Variants in CACNG6 observed in about 807,000 individuals in gnomAD.
CACNG6 encodes the protein calcium voltage-gated channel auxiliary subunit gamma 6.
In CACNG6, 21 loss-of-function variants were observed where a neutral mutation model predicts 23.9. The observed-to-expected ratio is 0.88, with a 90% CI of 0.62 to 1.26. The LOEUF (loss-of-function observed/expected upper bound fraction) is 1.26. CACNG6 is among the 50% of genes most tolerant of loss of function. The pLI, the probability that CACNG6 is intolerant of heterozygous loss-of-function variation, is 0.00. For missense variants in CACNG6, 340 were observed against 352.9 expected, an observed-to-expected ratio of 0.96 and a Z score of 0.29; for synonymous variants, 182 against 168.9, an observed-to-expected ratio of 1.08 and a Z score of -0.60.
chr19:53,997,508 C>T (rs2069532410), intron 1 of CACNG6, among the ~76,000 whole-genome samples: 1 of 152,088 alleles, frequency 6.6e-6, no homozygotes, highest in Non-Finnish European at 1.5e-5. Flanking sequence ...TAAAGTACCT[C>T]AGAGTGCCTT....
At chr19:54,002,267 G>GTTTTTTTTTTTTTTTT (rs138464456) in intron 3 of CACNG6, among the ~76,000 whole-genome samples, 3 of 131,942 alleles carry the variant, frequency 2.3e-5, no homozygotes, top group Middle Eastern at 3.9e-3. Flanking sequence ...CTAATTTTCG[G>GTTTTTTTTTTTTTTTT]TTTTTTTGTT....
chr19:54,011,227 T>TATATATATATATATATATATACAC (rs1442985544), intron 3 of CACNG6, among the ~76,000 whole-genome samples: 1 of 95,286 alleles, frequency 1.0e-5, no homozygotes, highest in Non-Finnish European at 1.8e-5. Context: ...TATATATATA[T>TATATATATATATATATATATACAC]ACACACACAC....
At chr19:53,996,922 GCAGTAGTACAATCTTGGCT>G (rs918523252) in intron 1 of CACNG6, among the ~76,000 whole-genome samples, 9 of 139,294 alleles carry the variant, frequency 6.5e-5, no homozygotes, top group African/African-American at 2.2e-4. Flanking sequence ...AGGCTGGAGT[GCAGTAGTACAATCTTGGCT>G]CACTGCAACC....
In CACNG6 at chr19:53,991,830, G is replaced by A. The variant is rs1239514295; in HGVS notation, c.-1048G>A. Among the ~76,000 whole-genome samples the A allele has an allele frequency of 6.6e-6, 1 of 152,184 alleles. No individual in the cohort carries two copies. Among genetic ancestry groups the A allele is most frequent in the Non-Finnish European group, 1.5e-5 (1 of 68,016 alleles). ...GGAAGGCCCTGGGAGCCCGGGGGAGGGAGACGGACTGATCCCGAAGGGGCG... is the reference window on the plus strand; with the variant it reads ...GGAAGGCCCTGGGAGCCCGGGGGAGAGAGACGGACTGATCCCGAAGGGGCG... On this transcript the variant is annotated 5_prime_UTR_variant, in exon 1 of 4. Transcript: ENST00000252729.
rs773485518 is a variant in CACNG6, at chr19:53,998,272, C to G, written c.365C>G (p.Thr122Arg). The G allele has an allele frequency of 1.9e-6, 3 of 1,613,988 alleles. No individual in the cohort carries two copies. The highest frequency in any genetic ancestry group is 1.7e-5 in the Admixed American group (1 of 60,002). ...TGCACCTATTTTAAATTCTTCACCA[C>G]GGGGGAGAATGCACGCATCTTTCAG... is the stretch of plus-strand genomic sequence containing the variant. ...ANCTYFKFFT[T>R]GENARIFQRT... The change falls in exon 2 of 4, where the codon ACG (threonine) becomes AGG (arginine). Residue 122 changes from threonine (T) to arginine (R), a missense_variant. Coordinates refer to ENST00000252729, the MANE Select transcript of CACNG6 (RefSeq NM_145814.2).
chr19:54,001,490 A>G (rs930428939), intron 3 of CACNG6, among the ~76,000 whole-genome samples: 3 of 152,150 alleles, frequency 2.0e-5, no homozygotes, highest in Non-Finnish European at 4.4e-5. Flanking sequence ...CGCCCGGCCA[A>G]GACTTTCATA....
chr19:54,001,266 G>A (rs563125796), intron 3 of CACNG6, among the ~76,000 whole-genome samples: 2 of 150,760 alleles, frequency 1.3e-5, no homozygotes, highest in South Asian at 2.1e-4. Context: ...TCAGCTCACT[G>A]CAACCTCCGC....
intron 3 of CACNG6, 93 bp from the exon 4 acceptor site, chr19:54,011,857 AG>A (rs2069718667): frequency 3.1e-6 from 2 of 640,266 alleles, no homozygotes; most frequent in South Asian, 7.1e-5. Context: ...GGAAGGTGCC[AG>A]GGTGGGCGGG....
chr19:54,006,714 T>C (rs1466533832), intron 3 of CACNG6, among the ~76,000 whole-genome samples: 7 of 151,604 alleles, frequency 4.6e-5, no homozygotes, highest in Admixed American at 2.0e-4. Flanking sequence ...TTGTATTTTT[T>C]AGTAGAGAGG....
intron 3 of CACNG6, among the ~76,000 whole-genome samples, chr19:54,003,272 C>T (rs1249757448): frequency 6.6e-6 from 1 of 152,184 alleles, no homozygotes. Flanking sequence ...ATTGAAAGTC[C>T]TGCTCCACGC....
rs1465731779 is a variant in CACNG6 at position 53,999,776 on chromosome 19, G to A, written c.544+5G>A. On this transcript the variant is annotated splice_donor_5th_base_variant and intron_variant, in intron 3 of 3. Coordinates refer to ENST00000252729, the MANE Select transcript of CACNG6 (RefSeq NM_145814.2). ...CCGTCTGCTTTGGCCTCTCAGGTGA[G>A]GGTTCAGAGCCTGGAGGCTGAGGAC... 1.2e-6 allele frequency: 2 copies of A among 1,613,470 alleles called. No homozygotes were observed. The highest frequency in any genetic ancestry group is 8.5e-7 in the Non-Finnish European group (1 of 1,179,908).
Position 53,993,072 on chromosome 19 carries a change from C to T in CACNG6, c.195C>T (p.Leu65=), listed in dbSNP as rs769787760. ...TGGGCACCGAGTTCTGGGTGGAGCTCAACACCTACAAGGCCAACGGCAGCG... is the reference window on the plus strand; with the variant it reads ...TGGGCACCGAGTTCTGGGTGGAGCTTAACACCTACAAGGCCAACGGCAGCG... ...LSVGTEFWVE[L]NTYKANGSAV... is the part of the protein sequence containing the mutation. Residue 65 remains leucine, a synonymous_variant, in exon 1 of 4, where the codon CTC becomes CTT. Transcript: ENST00000252729. 4 of 1,537,964 alleles carry T rather than the reference C, an allele frequency of 2.6e-6. No individual in the cohort carries two copies. In the South Asian group the frequency reaches 4.8e-5, roughly 19 times the overall value.
At position 54,012,316 on chromosome 19, in the gene CACNG6, T is replaced by C. The variant is rs2069727756; in HGVS notation, c.*127T>C. ...CCCTGCTCGGGGGCCCATGTTTTTT[T>C]ACACGCCTGCCTCCTGTCCCCTTAT... On this transcript the variant is annotated 3_prime_UTR_variant, in exon 4 of 4. Transcript: ENST00000252729. The C allele has an allele frequency of 2.1e-6, 1 of 484,134 alleles. No individual in the cohort carries two copies. Among genetic ancestry groups the C allele is most frequent in the East Asian group, 3.1e-5 (1 of 32,096 alleles). The allele number at this position is 484,134 out of a possible 1,614,324, so 30.0% of individuals were successfully genotyped here. A position where few individuals can be genotyped will look rare whatever the true frequency, so the allele number is the denominator to read the frequency against.
chr19:53,993,249 G>A (rs2069485058), intron 1 of CACNG6, 41 bp downstream of exon 1: 1 of 1,506,672 alleles, frequency 6.6e-7, no homozygotes, highest in Non-Finnish European at 8.8e-7. Context: ...TGCGTCCCAC[G>A]GACAGGGAGG....
chr19:54,011,751 T>A (rs1167223086), intron 3 of CACNG6, among the ~76,000 whole-genome samples, 200 bp from the exon 4 acceptor site: 1 of 139,572 alleles, frequency 7.2e-6, no homozygotes, highest in African/African-American at 2.6e-5. Flanking sequence ...TCTCTATGAC[T>A]TTGTGTCTTG....
intron 1 of CACNG6, among the ~76,000 whole-genome samples, chr19:53,995,183 C>T (rs2069508448): frequency 2.0e-5 from 3 of 152,042 alleles, no homozygotes; most frequent in African/African-American, 4.8e-5. Flanking sequence ...CAAGAGATCC[C>T]AAAGGTCAAA....
chr19:53,995,660 C>G (rs1021525449), intron 1 of CACNG6, among the ~76,000 whole-genome samples: 9 of 152,198 alleles, frequency 5.9e-5, no homozygotes, highest in Middle Eastern at 3.2e-3. Context: ...CGTGAAGCAC[C>G]CTTTACCTCT....
Position 53,992,846 on chromosome 19 carries a change from T to C in CACNG6, c.-32T>C. 7.4e-7 allele frequency: 1 copy of C among 1,354,776 alleles called. No homozygotes were observed. The highest frequency in any genetic ancestry group is 2.8e-5 in the East Asian group (1 of 35,570). The allele number at this position is 1,354,776 out of a possible 1,614,324, so 83.9% of individuals were successfully genotyped here. ...CTCGAGGCCCTTCGCCGGCTCTGCC[T>C]CCTCCCCCTTCCCGACCCCACCGGC... On this transcript the variant is annotated 5_prime_UTR_variant, in exon 1 of 4. Transcript: ENST00000252729. This position sits in a 1 kb window ranked among gnomAD's most constrained non-coding sequence, Gnocchi z 4.1.
intron 1 of CACNG6, among the ~76,000 whole-genome samples, chr19:53,993,513 GCCCCCAGGCCATCCTGTA>G (rs1275758599): frequency 3.0e-4 from 39 of 130,184 alleles, no homozygotes; most frequent in African/African-American, 9.9e-4. Flanking sequence ...GGGAGTCTGT[GCCCCCAGGCCATCCTGTA>G]CCCCCAGACC....
Sources: gnomAD v4.1 joint callset for allele counts (sites outside exome capture counted in the v4.1 genomes callset) on GRCh38, gnomAD v4.1.1 for gene constraint, Gnocchi (gnomAD v3.1) non-coding constraint, MANE v1.5 for transcripts, NCBI Gene and HGNC (gene_info 2026-07-23, HGNC 2026-07-21) for gene names.